The following IL1RAPL1 variants were observed in gnomAD, a reference collection of about 807,000 sequenced individuals.
IL1RAPL1 encodes the protein interleukin-1 receptor accessory protein-like 1.
A neutral mutation model predicts 48.4 loss-of-function variants in IL1RAPL1; 3 were observed. The ratio of observed to expected loss-of-function variants is 0.06; its 90% confidence interval spans 0.03 to 0.16. The LOEUF (loss-of-function observed/expected upper bound fraction) is 0.16, where lower values mean the gene tolerates loss of function less well. IL1RAPL1 is among the 10% of genes least tolerant of loss of function. The pLI, the probability that IL1RAPL1 is intolerant of heterozygous loss-of-function variation, is 1.00. For synonymous variants in IL1RAPL1, 185 were observed against 187.7 expected (o/e 0.99, Z 0.12); for missense variants, 349 against 530.6 (o/e 0.66, Z 3.36).
At chrX:29,621,548 G>T (rs377473943) in intron 5 of IL1RAPL1, among the ~76,000 whole-genome samples, 2 of 110,946 alleles carry the variant, frequency 1.8e-5, no homozygotes, top group East Asian at 5.6e-4. Context: ...AGTGAAAAAA[G>T]AAAGTTCTCA....
intron 6 of IL1RAPL1, among the ~76,000 whole-genome samples, chrX:29,895,801 T>C (rs895498713): frequency 9.0e-6 from 1 of 111,725 alleles, no homozygotes; most frequent in African/African-American, 3.3e-5. Flanking sequence ...GATATCCAAA[T>C]GGAGATGTCC....
intron 2 of IL1RAPL1, among the ~76,000 whole-genome samples, chrX:29,211,141 G>A (rs950857518): frequency 2.7e-5 from 3 of 110,415 alleles, no homozygotes; most frequent in African/African-American, 9.9e-5. Flanking sequence ...GAGAGAGAGA[G>A]AACCGAAACA....
intron 1 of IL1RAPL1, among the ~76,000 whole-genome samples, chrX:28,594,720 T>C (rs1238828388): frequency 8.9e-6 from 1 of 112,239 alleles, no homozygotes; most frequent in East Asian, 2.8e-4. Flanking sequence ...TCGAATCCTT[T>C]GGCCTCTAGC....
At chrX:28,858,740 C>T (rs1921867197) in intron 2 of IL1RAPL1, among the ~76,000 whole-genome samples, 3 of 112,352 alleles carry the variant, frequency 2.7e-5, no homozygotes, top group Non-Finnish European at 5.6e-5. Flanking sequence ...TGTTTTATTG[C>T]AGTGGTCTGG....
At chrX:29,915,013 C>T (rs138562776) in intron 6 of IL1RAPL1, among the ~76,000 whole-genome samples, 2,788 of 111,473 alleles carry the variant, frequency 0.025, 84 homozygotes, top group African/African-American at 0.087. Context: ...ATAAAAAATC[C>T]GGCTGGACGT....
At chrX:28,957,291 G>GA (rs1215354472) in intron 2 of IL1RAPL1, among the ~76,000 whole-genome samples, 5 of 110,869 alleles carry the variant, frequency 4.5e-5, no homozygotes, top group African/African-American at 1.3e-4. Context: ...AATAATAAAA[G>GA]AAAAAAAATT....
intron 5 of IL1RAPL1, among the ~76,000 whole-genome samples, chrX:29,541,700 C>T (rs778814456): frequency 2.4e-4 from 27 of 111,342 alleles, no homozygotes; most frequent in Non-Finnish European, 4.5e-4. Flanking sequence ...AACCAAATAC[C>T]ACATGTTCTC....
In IL1RAPL1 at chrX:29,816,049, C is replaced by A. The variant is rs772101390; in HGVS notation, c.779-101415C>A. The stretch of plus-strand genomic sequence containing the variant: ...AAAAACAGTCTAACCCCAAAGGTAG[C>A]AGAAGAAAAGAAATAATTAAAATCA... On this transcript the variant is annotated intron_variant, in intron 6 of 10. Transcript: ENST00000378993. Among the ~76,000 whole-genome samples, 16 of 110,612 alleles carry A rather than the reference C, an allele frequency of 1.4e-4. No individual in the cohort carries two copies. In the South Asian group the frequency reaches 6.0e-3, roughly 42 times the overall value.
chrX:28,969,844 A>AAC (rs1925012241), intron 2 of IL1RAPL1, among the ~76,000 whole-genome samples: 1 of 63,784 alleles, frequency 1.6e-5, no homozygotes, highest in South Asian at 5.5e-4. Context: ...TATGTTTCTA[A>AAC]ACATATATGT....
intron 1 of IL1RAPL1, among the ~76,000 whole-genome samples, chrX:28,745,706 C>T (rs971155547): frequency 9.0e-6 from 1 of 111,258 alleles, no homozygotes; most frequent in African/African-American, 3.3e-5. Context: ...AGACTAAGGC[C>T]TTGTGCACAT....
intron 5 of IL1RAPL1, among the ~76,000 whole-genome samples, chrX:29,495,093 T>C (rs1189411359): frequency 2.7e-5 from 3 of 112,276 alleles, no homozygotes; most frequent in African/African-American, 9.7e-5. Flanking sequence ...TTGAGGTCTT[T>C]CAATTCCCAG....
At chrX:28,697,814 G>C (rs1935251568) in intron 1 of IL1RAPL1, among the ~76,000 whole-genome samples, 1 of 111,246 alleles carries the variant, frequency 9.0e-6, no homozygotes, top group Non-Finnish European at 1.9e-5. Flanking sequence ...GCTTTTTAGA[G>C]ATACAGCATT....
chrX:29,287,415 TA>T (rs1301854043), intron 3 of IL1RAPL1, among the ~76,000 whole-genome samples: 5 of 112,373 alleles, frequency 4.4e-5, no homozygotes, highest in Non-Finnish European at 9.4e-5. Context: ...TTGGTGAACA[TA>T]AGTTTATTTT....
intron 2 of IL1RAPL1, among the ~76,000 whole-genome samples, chrX:29,103,449 C>G (rs1348544467): frequency 8.9e-6 from 1 of 111,751 alleles, no homozygotes; most frequent in Non-Finnish European, 1.9e-5. Flanking sequence ...ACCTCTATCT[C>G]GACCATTTAC....
In IL1RAPL1 at chrX:29,905,981, A is replaced by G. The variant is rs959691512; in HGVS notation, c.779-11483A>G. Reference sequence around the variant, plus strand: ...TTTTTTTCCCCAGGTTATAGGGGGGATAGGAGAGGTGAGTCAATTAAATCA... The same window carrying G: ...TTTTTTTCCCCAGGTTATAGGGGGGGTAGGAGAGGTGAGTCAATTAAATCA... On this transcript the variant is annotated intron_variant, in intron 6 of 10. Coordinates refer to ENST00000378993, the MANE Select transcript of IL1RAPL1 (RefSeq NM_014271.4). Among the ~76,000 whole-genome samples the G allele has an allele frequency of 1.7e-4, 19 of 110,691 alleles. No homozygotes were observed. The Admixed American group carries it at 1.8e-3, about 11-fold the overall frequency.
intron 5 of IL1RAPL1, among the ~76,000 whole-genome samples, chrX:29,485,992 C>T (rs1485969577): frequency 9.0e-6 from 1 of 111,221 alleles, no homozygotes; most frequent in Non-Finnish European, 1.9e-5. Flanking sequence ...ACACTTGGGA[C>T]CTTGCTAAAA....
intron 2 of IL1RAPL1, among the ~76,000 whole-genome samples, chrX:28,947,532 A>T (rs1369420957): frequency 7.3e-5 from 8 of 110,150 alleles, no homozygotes; most frequent in Non-Finnish European, 1.1e-4. Flanking sequence ...GAAGGGGAAC[A>T]TCACACACCG....
At chrX:28,713,691 T>C in intron 1 of IL1RAPL1, among the ~76,000 whole-genome samples, 1 of 111,395 alleles carries the variant, frequency 9.0e-6, no homozygotes, top group Non-Finnish European at 1.9e-5. Flanking sequence ...AAACGCATCC[T>C]GTTTTCAAAC....
intron 2 of IL1RAPL1, among the ~76,000 whole-genome samples, chrX:29,206,420 T>G (rs1240013635): frequency 9.0e-6 from 1 of 111,618 alleles, no homozygotes; most frequent in Non-Finnish European, 1.9e-5. Flanking sequence ...GCTTATTTAT[T>G]AATAGAGGTT....
Sources: allele counts gnomAD v4.1 joint callset (sites outside exome capture counted in the v4.1 genomes callset), GRCh38; gene constraint gnomAD v4.1.1; transcripts MANE v1.5; gene names NCBI Gene and HGNC (gene_info 2026-07-23, HGNC 2026-07-21).